ARHGAP24: variants seen among roughly 807,000 people sequenced by gnomAD.
ARHGAP24 encodes rho GTPase-activating protein 24.
In ARHGAP24, 50 loss-of-function variants were observed where a neutral mutation model predicts 76.4. That is an observed-to-expected ratio of 0.65 (90% CI 0.52 to 0.83). The LOEUF (loss-of-function observed/expected upper bound fraction) is 0.83, where lower values mean the gene tolerates loss of function less well. Ranked by LOEUF, ARHGAP24 falls within the 40% of genes least tolerant of loss-of-function variation. The pLI is 0.00. For missense variants in ARHGAP24, 930 were observed against 914.2 expected, an observed-to-expected ratio of 1.02 and a Z score of -0.22; for synonymous variants, 345 against 323.3, an observed-to-expected ratio of 1.07 and a Z score of -0.72.
At chr4:85,924,491 A>G (rs76145063) in intron 4 of ARHGAP24, among the ~76,000 whole-genome samples, 1,966 of 152,290 alleles carry the variant, frequency 0.013, 35 homozygotes, top group East Asian at 0.092. Context: ...TACAACCACA[A>G]TATATTTCCA....
At chr4:85,980,871 C>T (rs148828676) in intron 8 of ARHGAP24, among the ~76,000 whole-genome samples, 188 of 152,324 alleles carry the variant, frequency 1.2e-3, no homozygotes, top group African/African-American at 4.3e-3. Flanking sequence ...GTGACGGGTA[C>T]AGCAGCTGGC....
chr4:85,660,480 G>C (rs1722335107), intron 2 of ARHGAP24, among the ~76,000 whole-genome samples: 3 of 152,206 alleles, frequency 2.0e-5, no homozygotes, highest in Non-Finnish European at 2.9e-5. Flanking sequence ...TCAGGGAAGG[G>C]AGAGGAATTG....
chr4:85,995,425 C>A lies in ARHGAP24; in HGVS notation c.1771C>A (p.Pro591Thr), dbSNP rs757513250. ...QDFFGGNFED[P>T]VLDGPPQDDL... is the part of the protein sequence containing the mutation. Reference sequence around the variant, plus strand: ...CTTTTTTGGGGGGAACTTTGAGGACCCTGTTTTGGATGGGCCCCCGCAGGA... The same window carrying A: ...CTTTTTTGGGGGGAACTTTGAGGACACTGTTTTGGATGGGCCCCCGCAGGA... The change falls in exon 9 of 10, where the codon CCT (proline) becomes ACT (threonine). Residue 591 changes from proline to threonine, a missense_variant. Physicochemically the swap from Pro to Thr is conservative, Grantham distance 38 (BLOSUM62 -1). Transcript: ENST00000395184. 3 of 1,611,998 alleles carry A rather than the reference C, an allele frequency of 1.9e-6. No individual in the cohort carries two copies. Among genetic ancestry groups the A allele is most frequent in the Admixed American group, 1.7e-5 (1 of 59,924 alleles).
chr4:85,997,517 ATAGG>A (rs941543838), intron 9 of ARHGAP24, among the ~76,000 whole-genome samples: 1 of 152,148 alleles, frequency 6.6e-6, no homozygotes, highest in African/African-American at 2.4e-5. Context: ...AGGTAGGTAA[ATAGG>A]TAGGGAGGTA....
At chr4:85,666,446 C>T (rs1410325494) in intron 2 of ARHGAP24, among the ~76,000 whole-genome samples, 1 of 152,134 alleles carries the variant, frequency 6.6e-6, no homozygotes, top group African/African-American at 2.4e-5. Flanking sequence ...TGAATTTCCT[C>T]CTGTAGCTCA....
Position 85,939,297 on chromosome 4 carries a change from T to C in ARHGAP24, c.392-2769T>C, listed in dbSNP as rs547039340. On this transcript the variant is annotated intron_variant, in intron 4 of 9. Transcript: ENST00000395184. ...TAGAATGTACTAATATTTTTAATTA[T>C]GAGAAAATGAGGACTCATGACTGTG... Among the ~76,000 whole-genome samples, 67 of 152,270 alleles carry C rather than the reference T, an allele frequency of 4.4e-4. 1 individual carries two copies. In the South Asian group the frequency reaches 0.014, roughly 31 times the overall value.
intron 3 of ARHGAP24, among the ~76,000 whole-genome samples, chr4:85,812,965 TC>T (rs1250510547): frequency 6.6e-6 from 1 of 152,204 alleles, no homozygotes; most frequent in African/African-American, 2.4e-5. Context: ...AGGAGACTCT[TC>T]TAACACTTTC....
intron 2 of ARHGAP24, among the ~76,000 whole-genome samples, chr4:85,688,670 G>T (rs775227281): frequency 6.6e-6 from 1 of 152,180 alleles, no homozygotes; most frequent in Non-Finnish European, 1.5e-5. Context: ...GTCAAGAAGA[G>T]AATTTCCTAG....
chr4:85,647,537 A>G (rs1183001477), intron 2 of ARHGAP24, among the ~76,000 whole-genome samples: 3 of 152,090 alleles, frequency 2.0e-5, no homozygotes, highest in Non-Finnish European at 4.4e-5. Flanking sequence ...AAGTTAGCCT[A>G]ACACTTACTT....
At chr4:85,516,428 A>G (rs1488055819) in intron 1 of ARHGAP24, among the ~76,000 whole-genome samples, 2 of 152,236 alleles carry the variant, frequency 1.3e-5, no homozygotes, top group Non-Finnish European at 2.9e-5. Flanking sequence ...ATTAACCTAC[A>G]GTAAAATTGG....
chr4:85,811,258 G>A (rs1380610367), intron 3 of ARHGAP24, among the ~76,000 whole-genome samples: 2 of 152,104 alleles, frequency 1.3e-5, no homozygotes. Context: ...TTAAGATGTT[G>A]AATTCCTATA....
chr4:85,626,469 G>A (rs1720958340), intron 2 of ARHGAP24, among the ~76,000 whole-genome samples: 1 of 136,668 alleles, frequency 7.3e-6, no homozygotes, highest in African/African-American at 2.8e-5. Context: ...TCCCTTTGTG[G>A]ATAACCCGAC....
At chr4:85,589,454 A>C (rs2623770) in intron 2 of ARHGAP24, among the ~76,000 whole-genome samples, 139,456 of 152,250 alleles carry the variant, frequency 0.92, 63,920 homozygotes, top group East Asian at 0.98. Flanking sequence ...AGATGGTAGG[A>C]CTGATTGACT....
intron 5 of ARHGAP24, among the ~76,000 whole-genome samples, chr4:85,947,276 G>T (rs1000779848): frequency 6.6e-6 from 1 of 152,158 alleles, no homozygotes; most frequent in Non-Finnish European, 1.5e-5. Context: ...ATCCCTTTCT[G>T]TAGGTTGTCT....
intron 2 of ARHGAP24, among the ~76,000 whole-genome samples, chr4:85,664,762 C>T (rs1439554596): frequency 1.3e-5 from 2 of 151,802 alleles, no homozygotes; most frequent in Non-Finnish European, 2.9e-5. Flanking sequence ...GCCTTCATTT[C>T]GTTATGTACC....
intron 1 of ARHGAP24, among the ~76,000 whole-genome samples, chr4:85,510,801 TTCCTCC>T (rs1245634445): frequency 1.6e-5 from 2 of 124,016 alleles, no homozygotes; most frequent in Non-Finnish European, 3.3e-5. Flanking sequence ...GCCCCTCCCC[TTCCTCC>T]TCCTCCTCCT....
chr4:85,935,561 T>A (rs748312520), intron 4 of ARHGAP24, among the ~76,000 whole-genome samples: 1 of 152,212 alleles, frequency 6.6e-6, no homozygotes, highest in Non-Finnish European at 1.5e-5. Flanking sequence ...TAACATAACA[T>A]AGTGAAAAAT....
At chr4:85,697,509 T>A (rs1553923603) in intron 2 of ARHGAP24, among the ~76,000 whole-genome samples, 5 of 152,110 alleles carry the variant, frequency 3.3e-5, no homozygotes, top group East Asian at 1.9e-4. Context: ...TAATAAATTT[T>A]AAAAAAATAT....
intron 1 of ARHGAP24, among the ~76,000 whole-genome samples, chr4:85,552,131 T>A (rs1292399044): frequency 6.6e-6 from 1 of 152,178 alleles, no homozygotes; most frequent in Non-Finnish European, 1.5e-5. Flanking sequence ...TAATTTGAGA[T>A]CTTTCAGACT....
Sources: gnomAD v4.1 joint callset for allele counts (sites outside exome capture counted in the v4.1 genomes callset) on GRCh38, gnomAD v4.1.1 for gene constraint, MANE v1.5 for transcripts, NCBI Gene and HGNC (gene_info 2026-07-23, HGNC 2026-07-21) for gene names.